ANK3: variants seen among roughly 807,000 people sequenced by gnomAD.
The protein encoded by ANK3 is ankyrin 3, also known as ankyrin-3.
In ANK3, 57 loss-of-function variants were observed where a neutral mutation model predicts 370.9. The observed-to-expected ratio is 0.15, with a 90% confidence interval of 0.12 to 0.19. The LOEUF (loss-of-function observed/expected upper bound fraction) is 0.19. Ranked by LOEUF, ANK3 falls within the 10% of genes least tolerant of loss-of-function variation. The pLI is 1.00. For missense variants in ANK3, 4,439 were observed against 5,302.1 expected (o/e 0.84, Z 5.06); for synonymous variants, 1,929 against 1,946.3 (o/e 0.99, Z 0.23).
At chr10:60,205,122 A>G (rs535651388) in intron 11 of ANK3, among the ~76,000 whole-genome samples, 1 of 152,278 alleles carries the variant, frequency 6.6e-6, no homozygotes, top group African/African-American at 2.4e-5. Flanking sequence ...GCTTTGTAGA[A>G]GGCACAGCCC....
In ANK3 at chr10:60,196,189, G is replaced by A; in HGVS notation, c.1843C>T (p.Leu615Phe). The A allele has an allele frequency of 1.2e-6, 2 of 1,613,984 alleles. No homozygotes were observed. Among genetic ancestry groups the A allele is most frequent in the East Asian group, 2.2e-5 (1 of 44,872 alleles). The change falls in exon 16 of 44, where the codon CTT becomes TTT. Residue 615 changes from leucine (L) to phenylalanine (F), a missense_variant. Transcript: ENST00000280772. Reference sequence around the variant, plus strand: ...GAGGCTCCTTGGTCCAAAAGCAGAAGGGCCACTTTCTGATTATCGTAATGT... The same window carrying A: ...GAGGCTCCTTGGTCCAAAAGCAGAAAGGCCACTTTCTGATTATCGTAATGT... ...AAHYDNQKVA[L>F]LLLDQGASPH...
Position 60,067,456 on chromosome 10 carries a change from C to A in ANK3, c.12319+479G>T, listed in dbSNP as rs114719963. Among the ~76,000 whole-genome samples the A allele has an allele frequency of 8.5e-5, 13 of 152,172 alleles. 1 individual carries two copies. The highest frequency in any genetic ancestry group is 1.9e-4 in the African/African-American group (8 of 41,508). On this transcript the variant is annotated intron_variant, in intron 38 of 43. Coordinates refer to ENST00000280772, the MANE Select transcript of ANK3 (RefSeq NM_020987.5). ...TAAACATAGAGTTTTATGTGTATAT[C>A]GTACAAAATGTGAAGAGAAGTTCAC...
chr10:60,562,286 T>C (rs1376528644), intron 2 of ANK3, among the ~76,000 whole-genome samples: 1 of 152,260 alleles, frequency 6.6e-6, no homozygotes, highest in Non-Finnish European at 1.5e-5. Flanking sequence ...TCAAAACTCT[T>C]CTTATGCATT....
chr10:60,192,921 A>G (rs1264075526), intron 16 of ANK3, among the ~76,000 whole-genome samples: 2 of 152,034 alleles, frequency 1.3e-5, no homozygotes, highest in East Asian at 3.8e-4. Context: ...TGTTTGTGCC[A>G]TGAGAAAATG....
chr10:60,275,649 T>A (rs955031947), intron 4 of ANK3, among the ~76,000 whole-genome samples: 1 of 152,156 alleles, frequency 6.6e-6, no homozygotes, highest in Non-Finnish European at 1.5e-5. Flanking sequence ...TGTCTAACTT[T>A]GTCAGGATCC....
chr10:60,158,548 G>A (rs1412742820), intron 23 of ANK3, among the ~76,000 whole-genome samples: 2 of 152,016 alleles, frequency 1.3e-5, no homozygotes, highest in African/African-American at 2.4e-5. Flanking sequence ...CAATCAGAAC[G>A]AAATTGTCAC....
chr10:60,454,697 C>G (rs2064701854), intron 2 of ANK3, among the ~76,000 whole-genome samples: 1 of 152,180 alleles, frequency 6.6e-6, no homozygotes, highest in South Asian at 2.1e-4. Context: ...CAATTTGACT[C>G]TACCTGCAAA....
At chr10:60,554,451 C>T (rs1432821116) in intron 2 of ANK3, among the ~76,000 whole-genome samples, 1 of 152,138 alleles carries the variant, frequency 6.6e-6, no homozygotes, top group Non-Finnish European at 1.5e-5. Context: ...CCTTTCTTTG[C>T]TGTAGCATCT....
At chr10:60,721,484 C>T (rs114641729) in intron 1 of ANK3, among the ~76,000 whole-genome samples, 1,567 of 152,222 alleles carry the variant, frequency 0.01, 28 homozygotes, top group African/African-American at 0.036. Context: ...CCCCCTAAGA[C>T]GTTTGGACTT....
chr10:60,149,414 G>A (rs80332688), intron 23 of ANK3, among the ~76,000 whole-genome samples: 2,616 of 152,274 alleles, frequency 0.017, 41 homozygotes, highest in Non-Finnish European at 0.027. Flanking sequence ...AGATGGAAGG[G>A]ACAGACCTGA....
intron 1 of ANK3, among the ~76,000 whole-genome samples, chr10:60,677,584 G>A (rs1295773400): frequency 6.6e-6 from 1 of 152,002 alleles, no homozygotes; most frequent in Non-Finnish European, 1.5e-5. Context: ...AGTTTTCAAA[G>A]AAATAAGTAT....
intron 1 of ANK3, among the ~76,000 whole-genome samples, chr10:60,699,412 G>A (rs1022621573): frequency 2.0e-5 from 3 of 151,996 alleles, no homozygotes; most frequent in African/African-American, 7.2e-5. Context: ...TTTAAGAAAT[G>A]CATTTCCAAT....
At chr10:60,521,396 C>T (rs2076343914) in intron 2 of ANK3, among the ~76,000 whole-genome samples, 1 of 152,080 alleles carries the variant, frequency 6.6e-6, no homozygotes, top group Non-Finnish European at 1.5e-5. Context: ...TACCTAGAAG[C>T]TATTAGCTAC....
chr10:60,712,965 A>G (rs2079730613), intron 1 of ANK3, among the ~76,000 whole-genome samples: 1 of 152,208 alleles, frequency 6.6e-6, no homozygotes, highest in Admixed American at 6.5e-5. Flanking sequence ...TAAGGCAAAA[A>G]CTAAAAGAAC....
chr10:60,548,391 T>C (rs1272495845), intron 2 of ANK3, among the ~76,000 whole-genome samples: 1 of 151,668 alleles, frequency 6.6e-6, no homozygotes, highest in Non-Finnish European at 1.5e-5. Flanking sequence ...TGTGTGTGCG[T>C]GTTTTTTTTG....
In ANK3 at chr10:60,565,174, A is replaced by T. The variant is rs990648914; in HGVS notation, c.96+50012T>A. ...CTGTGAAGTAGTGGGCTCCAATGGC[A>T]TCAGAGACCAGTTTCATAGAACACA... On this transcript the variant is annotated intron_variant, in intron 2 of 43. Transcript: ENST00000373827. Among the ~76,000 whole-genome samples the T allele has an allele frequency of 2.6e-5, 4 of 152,276 alleles. No individual in the cohort carries two copies. In the East Asian group the frequency reaches 7.7e-4, roughly 29 times the overall value.
intron 7 of ANK3, among the ~76,000 whole-genome samples, chr10:60,239,934 A>AGG (rs1369683559): frequency 6.6e-6 from 1 of 151,454 alleles, no homozygotes; most frequent in Non-Finnish European, 1.5e-5. Flanking sequence ...ACTATGAAAA[A>AGG]TAAGATAAAT....
chr10:60,038,494 T>C (rs1205290294), intron 43 of ANK3, among the ~76,000 whole-genome samples: 1 of 152,118 alleles, frequency 6.6e-6, no homozygotes, highest in East Asian at 1.9e-4. Context: ...ATTGACAAAC[T>C]GGACCTAATT....
At position 60,075,886 on chromosome 10, in the gene ANK3, T is replaced by C. The variant is rs781076159; in HGVS notation, c.4995A>G (p.Thr1665=). 3.7e-6 allele frequency: 6 copies of C among 1,614,024 alleles called. No individual in the cohort carries two copies. Among genetic ancestry groups the C allele is most frequent in the African/African-American group, 1.3e-5 (1 of 74,932 alleles). Residue 1665 remains threonine (T), a synonymous_variant, in exon 37 of 44, where the codon ACA becomes ACG. Coordinates refer to ENST00000280772, the MANE Select transcript of ANK3 (RefSeq NM_020987.5). The part of the protein sequence containing the change: ...SSSLPFKSII[T]SAAPLISSPL... ...GTGAAGATATTAGCGGTGCTGCTGA[T>C]GTAATAATTGACTTAAATGGCAAAC...
Sources: gnomAD v4.1 joint callset for allele counts (sites outside exome capture counted in the v4.1 genomes callset) on GRCh38, gnomAD v4.1.1 for gene constraint, MANE v1.5 for transcripts, NCBI Gene and HGNC (gene_info 2026-07-23, HGNC 2026-07-21) for gene names.